The following LDB2 variants were observed in gnomAD, a reference collection of about 807,000 sequenced individuals.
LDB2 encodes the protein LIM domain binding 2.
LDB2 carries 12 observed loss-of-function variants against 44.3 expected under a neutral mutation model. That is an observed-to-expected ratio of 0.27 (90% confidence interval 0.17 to 0.44). LDB2 has a LOEUF of 0.44. Ranked by LOEUF, LDB2 falls within the 20% of genes least tolerant of loss-of-function variation. The pLI, the probability that LDB2 is intolerant of heterozygous loss-of-function variation, is 1.00. For synonymous variants in LDB2, 164 were observed against 174.8 expected (o/e 0.94, Z 0.49); for missense variants, 344 against 473.5 (o/e 0.73, Z 2.54).
At chr4:16,821,461 G>T (rs1412717072) in intron 1 of LDB2, among the ~76,000 whole-genome samples, 1 of 149,314 alleles carries the variant, frequency 6.7e-6, no homozygotes, top group East Asian at 2.0e-4. Context: ...TCGGCTCACT[G>T]CAAGCTCCAC....
chr4:16,629,685 C>G (rs1731329833), intron 2 of LDB2, among the ~76,000 whole-genome samples: 1 of 151,908 alleles, frequency 6.6e-6, no homozygotes, highest in Non-Finnish European at 1.5e-5. Flanking sequence ...AGCTAAAAAC[C>G]TTGAAAAAAG....
At chr4:16,730,453 T>C (rs532479003) in intron 2 of LDB2, among the ~76,000 whole-genome samples, 36 of 152,336 alleles carry the variant, frequency 2.4e-4, no homozygotes, top group African/African-American at 8.7e-4. Context: ...TTAGGCATGA[T>C]AAAGACTCAA....
At chr4:16,517,853 A>G (rs1724383081) in intron 5 of LDB2, among the ~76,000 whole-genome samples, 1 of 151,814 alleles carries the variant, frequency 6.6e-6, no homozygotes, top group African/African-American at 2.4e-5. Flanking sequence ...GAAATTTTGT[A>G]ATCACAACAG....
chr4:16,608,206 CA>C (rs71649969), intron 2 of LDB2, among the ~76,000 whole-genome samples: 4,977 of 68,426 alleles, frequency 0.073, 70 homozygotes, highest in African/African-American at 0.088. Context: ...CACACTTCTT[CA>C]AAAAAAAAAA....
At chr4:16,664,422 T>C (rs1289390957) in intron 2 of LDB2, among the ~76,000 whole-genome samples, 3 of 152,082 alleles carry the variant, frequency 2.0e-5, no homozygotes, top group Non-Finnish European at 2.9e-5. Flanking sequence ...ACTAAGACAA[T>C]ATGGAACACA....
At chr4:16,641,960 AG>A (rs1379744383) in intron 2 of LDB2, among the ~76,000 whole-genome samples, 2 of 152,168 alleles carry the variant, frequency 1.3e-5, no homozygotes, top group Admixed American at 1.3e-4. Flanking sequence ...AAAGTGGGGG[AG>A]GGGGCATGAC....
At chr4:16,696,306 G>T (rs1000697856) in intron 2 of LDB2, among the ~76,000 whole-genome samples, 6 of 152,102 alleles carry the variant, frequency 3.9e-5, no homozygotes, top group African/African-American at 1.2e-4. Context: ...CTAGAGACAG[G>T]CTAACCCATC....
intron 2 of LDB2, among the ~76,000 whole-genome samples, chr4:16,672,173 C>T (rs1343016369): frequency 1.3e-5 from 2 of 152,184 alleles, no homozygotes; most frequent in Admixed American, 6.5e-5. Context: ...TCCCCATTTT[C>T]ATTGCTGAGA....
intron 7 of LDB2, among the ~76,000 whole-genome samples, chr4:16,505,000 A>C (rs1463919275): frequency 2.0e-5 from 3 of 152,206 alleles, no homozygotes; most frequent in African/African-American, 7.2e-5. Context: ...TCATTGAGAG[A>C]GGATGGGAGA....
In LDB2 at chr4:16,674,125, T is replaced by C. The variant is rs529175240; in HGVS notation, c.236-78250A>G. 15 of 703,230 alleles carry C rather than the reference T, an allele frequency of 2.1e-5. No individual in the cohort carries two copies. The East Asian group carries it at 6.0e-4, about 28-fold the overall frequency. The allele number at this position is 703,230 out of a possible 1,614,324, so 43.6% of individuals were successfully genotyped here. A position where few individuals can be genotyped will look rare whatever the true frequency, so the allele number is the denominator to read the frequency against. ...GGGAAGGAAGTTGGAAAGATTTCCC[T>C]GAGAATATTTCCCATTTTACGCATT... On this transcript the variant is annotated intron_variant, in intron 2 of 7. Transcript: ENST00000304523.
At chr4:16,698,331 C>A (rs573516646) in intron 2 of LDB2, among the ~76,000 whole-genome samples, 1 of 152,252 alleles carries the variant, frequency 6.6e-6, no homozygotes, top group Non-Finnish European at 1.5e-5. Context: ...ATTATTGTAT[C>A]AGAAGAATGA....
intron 2 of LDB2, among the ~76,000 whole-genome samples, chr4:16,739,661 TGTATATATAC>T (rs1448220843): frequency 2.4e-5 from 2 of 82,514 alleles, no homozygotes; most frequent in African/African-American, 9.7e-5. Flanking sequence ...TGTGTATATA[TGTATATATAC>T]ATATGTGTGT....
intron 2 of LDB2, among the ~76,000 whole-genome samples, chr4:16,679,587 G>C (rs949738024): frequency 6.6e-6 from 1 of 152,132 alleles, no homozygotes; most frequent in Non-Finnish European, 1.5e-5. Flanking sequence ...CAAGAAACAG[G>C]AGCAGATGTG....
At chr4:16,603,803 G>T (rs1442622564) in intron 2 of LDB2, among the ~76,000 whole-genome samples, 1 of 152,014 alleles carries the variant, frequency 6.6e-6, no homozygotes, top group Non-Finnish European at 1.5e-5. Context: ...TTCCTATAAA[G>T]GAATACGAAA....
At chr4:16,598,845 T>C (rs1186265375) in intron 2 of LDB2, among the ~76,000 whole-genome samples, 4 of 150,966 alleles carry the variant, frequency 2.6e-5, no homozygotes, top group Admixed American at 2.6e-4. Context: ...CAGTCTCACT[T>C]ATGCGAGGTG....
chr4:16,594,780 C>A (rs947186666), intron 3 of LDB2, among the ~76,000 whole-genome samples: 1 of 152,124 alleles, frequency 6.6e-6, no homozygotes, highest in Non-Finnish European at 1.5e-5. Context: ...ATAAAGAGAG[C>A]GTTGTCATTT....
intron 5 of LDB2, among the ~76,000 whole-genome samples, chr4:16,552,326 G>T (rs1486583602): frequency 2.0e-5 from 3 of 152,064 alleles, no homozygotes; most frequent in Non-Finnish European, 2.9e-5. Context: ...CAATTTTTTT[G>T]AATTTTATCT....
chr4:16,811,342 T>C (rs972468436), intron 1 of LDB2, among the ~76,000 whole-genome samples: 1 of 152,336 alleles, frequency 6.6e-6, no homozygotes, highest in Admixed American at 6.5e-5. Flanking sequence ...CTTAGTATAT[T>C]TACTCAGTTG....
chr4:16,768,299 G>T (rs1365106541), intron 1 of LDB2, among the ~76,000 whole-genome samples: 2 of 151,782 alleles, frequency 1.3e-5, no homozygotes, highest in African/African-American at 4.8e-5. Context: ...AGTATCTTGT[G>T]GTTCTAGAAA....
Sources: gnomAD v4.1 joint callset for allele counts (sites outside exome capture counted in the v4.1 genomes callset) on GRCh38, gnomAD v4.1.1 for gene constraint, MANE v1.5 for transcripts, NCBI Gene and HGNC (gene_info 2026-07-23, HGNC 2026-07-21) for gene names.